The following RPRD1A variants were observed in gnomAD, a reference collection of about 807,000 sequenced individuals.
RPRD1A encodes the protein regulation of nuclear pre-mRNA domain-containing protein 1A.
Under a neutral mutation model 37.8 loss-of-function variants are expected in RPRD1A, and 9 were observed. The observed-to-expected ratio is 0.24, with a 90% confidence interval of 0.14 to 0.42. RPRD1A has a LOEUF of 0.42. RPRD1A is among the 10% of genes least tolerant of loss of function. The pLI is 1.00. For missense variants in RPRD1A, 255 were observed against 371.0 expected (o/e 0.69, Z 2.57); for synonymous variants, 138 against 139.7 (o/e 0.99, Z 0.08).
chr18:36,020,864 A>G (rs370991874), intron 6 of RPRD1A, among the ~76,000 whole-genome samples: 4 of 152,198 alleles, frequency 2.6e-5, no homozygotes, highest in South Asian at 4.1e-4. Context: ...AAATTATCAT[A>G]CATCCATATA....
rs201194752 is a variant in RPRD1A, at chr18:36,008,575, G to GTATA, written c.790-15276_790-15275insTATA. On this transcript the variant is annotated intron_variant, in intron 6 of 6. Coordinates refer to ENST00000399022, the MANE Select transcript of RPRD1A (RefSeq NM_018170.5). ...TGGGCGACACAGCAAGACCTTGTGTGTGTATATATATATATCTTTAAAAAT... is the reference window on the plus strand; with the variant it reads ...TGGGCGACACAGCAAGACCTTGTGTGTATATGTATATATATATATCTTTAAAAAT... 2.6e-4 allele frequency among the ~76,000 whole-genome samples: 11 copies of GTATA among 42,384 alleles called. 2 individuals carry two copies. The highest frequency in any genetic ancestry group is 9.5e-4 in the African/African-American group (11 of 11,596). The allele number at this position is 42,384 out of a possible 152,430, so 27.8% of individuals were successfully genotyped here.
intron 6 of RPRD1A, among the ~76,000 whole-genome samples, chr18:36,017,619 T>A (rs1378036964): frequency 6.6e-6 from 1 of 152,234 alleles, no homozygotes; most frequent in Non-Finnish European, 1.5e-5. Context: ...AGCAGTTTAT[T>A]AAGGACTTCG....
intron 1 of RPRD1A, among the ~76,000 whole-genome samples, chr18:36,061,757 T>G (rs1002007815): frequency 6.6e-6 from 1 of 152,230 alleles, no homozygotes; most frequent in African/African-American, 2.4e-5. Flanking sequence ...ATACAATACT[T>G]GTACCTAGAA....
At position 35,990,601 on chromosome 18, in the gene RPRD1A, T is replaced by G. The variant is rs567958820; in HGVS notation, c.*2550A>C. 6.6e-6 allele frequency: 1 copy of G among 152,294 alleles called. No homozygotes were observed. Among genetic ancestry groups the G allele is most frequent in the East Asian group, 1.9e-4 (1 of 5,176 alleles). The allele number at this position is 152,294 out of a possible 1,614,324, so 9.4% of individuals were successfully genotyped here. A position where few individuals can be genotyped will look rare whatever the true frequency, so the allele number is the denominator to read the frequency against. On this transcript the variant is annotated 3_prime_UTR_variant, in exon 7 of 7. Coordinates refer to ENST00000399022, the MANE Select transcript of RPRD1A (RefSeq NM_018170.5). ...ACTCCAGACAGCTCTCTGCACTGTATGTGGAGAAAAGAGTGATGGCATCCA... is the reference window on the plus strand; with the variant it reads ...ACTCCAGACAGCTCTCTGCACTGTAGGTGGAGAAAAGAGTGATGGCATCCA...
rs971057260 is a variant in RPRD1A, at chr18:36,019,071, A to G, written c.789+7829T>C. 5.3e-5 allele frequency among the ~76,000 whole-genome samples: 8 copies of G among 152,128 alleles called. No individual in the cohort carries two copies. The East Asian group carries it at 1.2e-3, about 22-fold the overall frequency. On this transcript the variant is annotated intron_variant, in intron 6 of 6. Transcript: ENST00000399022. The stretch of plus-strand genomic sequence containing the variant: ...AGGTTAAATGGTGTCTGAGTTCAAA[A>G]TAAGATCCAAAAGTGTAATGGGGAC...
At chr18:36,043,556 T>G (rs894341336) in intron 1 of RPRD1A, among the ~76,000 whole-genome samples, 3 of 152,220 alleles carry the variant, frequency 2.0e-5, no homozygotes, top group Non-Finnish European at 4.4e-5. Context: ...CTGAGAAGAA[T>G]AAACTTCATC....
intron 6 of RPRD1A, among the ~76,000 whole-genome samples, chr18:35,997,704 C>T (rs1222557226): frequency 6.6e-6 from 1 of 152,164 alleles, no homozygotes; most frequent in African/African-American, 2.4e-5. Context: ...CATCTTTAGT[C>T]AAAAGCTACT....
intron 1 of RPRD1A, among the ~76,000 whole-genome samples, chr18:36,057,866 A>G (rs1203695453): frequency 9.9e-5 from 15 of 152,152 alleles, no homozygotes; most frequent in Non-Finnish European, 1.5e-4. Context: ...TAGGTTCCCA[A>G]TTACATTTCT....
intron 1 of RPRD1A, among the ~76,000 whole-genome samples, chr18:36,054,698 C>T: frequency 6.6e-6 from 1 of 151,956 alleles, no homozygotes; most frequent in East Asian, 1.9e-4. Flanking sequence ...TGCAGGAGAG[C>T]CTAGAGACCC....
intron 6 of RPRD1A, among the ~76,000 whole-genome samples, chr18:36,023,098 A>T (rs1005380659): frequency 5.3e-5 from 8 of 152,240 alleles, no homozygotes; most frequent in African/African-American, 1.9e-4. Flanking sequence ...CAATTTTGAC[A>T]TTCAAGTCTC....
chr18:36,067,124 A>C (rs974993522), intron 1 of RPRD1A, 130 bp downstream of exon 1: 61 of 945,330 alleles, frequency 6.5e-5, no homozygotes, highest in Middle Eastern at 3.3e-4. Context: ...CAGCTCCTCC[A>C]AGCCCGCAGA....
chr18:36,046,135 A>G (rs900835157), intron 1 of RPRD1A, among the ~76,000 whole-genome samples: 3 of 152,154 alleles, frequency 2.0e-5, no homozygotes, highest in Non-Finnish European at 4.4e-5. Flanking sequence ...TTACACAAAA[A>G]CAGCTCTGCT....
rs1394682621 is a variant in RPRD1A, at chr18:36,027,009, T to C, written c.680A>G (p.Asn227Ser). Residue 227 changes from asparagine (N) to serine (S), a missense_variant, in exon 6 of 7, where the codon AAT becomes AGT. By Grantham distance (46) the Asn-to-Ser change is conservative (BLOSUM62 1). Around this residue, in one of 2 missense-constraint regions of RPRD1A, gnomAD observed 211 missense variants for 268.9 expected, o/e 0.78. Transcript: ENST00000399022. ...ATCTATTTCTGCCGCCAATCTGCCATTGTAATCTGCCAGCAACATACACGC... is the reference window on the plus strand; with the variant it reads ...ATCTATTTCTGCCGCCAATCTGCCACTGTAATCTGCCAGCAACATACACGC... ...EDACMLLADY[N>S]GRLAAEIDDR... 19 of 1,613,938 alleles carry C rather than the reference T, an allele frequency of 1.2e-5. No individual in the cohort carries two copies. The highest frequency in any genetic ancestry group is 6.7e-5 in the African/African-American group (5 of 74,940).
At chr18:36,046,400 T>C (rs1356555188) in intron 1 of RPRD1A, among the ~76,000 whole-genome samples, 1 of 152,140 alleles carries the variant, frequency 6.6e-6, no homozygotes, top group African/African-American at 2.4e-5. Context: ...TGGGACCATA[T>C]ACTCCTTCTC....
intron 1 of RPRD1A, among the ~76,000 whole-genome samples, chr18:36,050,865 TTTC>T (rs1317542828): frequency 4.0e-5 from 6 of 150,036 alleles, no homozygotes; most frequent in Non-Finnish European, 4.5e-5. Flanking sequence ...TTTCTTTTCT[TTTC>T]TTTTTTTTTT....
chr18:36,040,166 T>C (rs542093632), intron 1 of RPRD1A, among the ~76,000 whole-genome samples: 1 of 152,326 alleles, frequency 6.6e-6, no homozygotes, highest in East Asian at 1.9e-4. Context: ...TCCTAAAGTT[T>C]GAGTTAGGTG....
chr18:36,064,393 A>C (rs1246278724), intron 1 of RPRD1A: 1 of 152,450 alleles, frequency 6.6e-6, no homozygotes, highest in Admixed American at 6.5e-5. Flanking sequence ...TGAGAGGTGA[A>C]GCCAGCTGGG....
intron 1 of RPRD1A, among the ~76,000 whole-genome samples, chr18:36,060,522 T>C (rs989848362): frequency 6.6e-6 from 1 of 152,214 alleles, no homozygotes; most frequent in Non-Finnish European, 1.5e-5. Context: ...ACAGTACTTA[T>C]TTTAGCACAT....
intron 1 of RPRD1A, among the ~76,000 whole-genome samples, chr18:36,060,471 C>T (rs1179028756): frequency 1.3e-5 from 2 of 152,126 alleles, no homozygotes; most frequent in African/African-American, 4.8e-5. Flanking sequence ...TTCACTTCTC[C>T]ATTTTTCTAA....
Sources: allele counts gnomAD v4.1 joint callset (sites outside exome capture counted in the v4.1 genomes callset), GRCh38; gene constraint gnomAD v4.1.1; regional missense constraint gnomAD v4.1.1; transcripts MANE v1.5; gene names NCBI Gene and HGNC (gene_info 2026-07-23, HGNC 2026-07-21).